CAD: variants seen among roughly 807,000 people sequenced by gnomAD.
The protein encoded by CAD is carbamoyl-phosphate synthetase 2, aspartate transcarbamylase, and dihydroorotase.
In CAD, 81 loss-of-function variants were observed where a neutral mutation model predicts 237.2. The ratio of observed to expected loss-of-function variants is 0.34; its 90% confidence interval spans 0.29 to 0.41. The LOEUF (loss-of-function observed/expected upper bound fraction) is 0.41. CAD is among the 10% of genes least tolerant of loss of function. The pLI is 1.00. For synonymous variants in CAD, 1,196 were observed against 1,162.8 expected, an observed-to-expected ratio of 1.03 and a Z score of -0.58; for missense variants, 2,181 against 2,951.7, an observed-to-expected ratio of 0.74 and a Z score of 6.05.
chr2:27,237,795 C>G lies in CAD; in HGVS notation c.4641C>G (p.Thr1547=). 6.2e-7 allele frequency: 1 copy of G among 1,614,206 alleles called. No homozygotes were observed. Among genetic ancestry groups the G allele is most frequent in the South Asian group, 1.1e-5 (1 of 91,084 alleles). The change falls in exon 29 of 44, where the codon ACC becomes ACG. Residue 1547 remains threonine (T), a synonymous_variant. Transcript: ENST00000264705. This position sits in a 1 kb window ranked among gnomAD's most constrained non-coding sequence, Gnocchi z 4.0. ...CTGAAAATGCAGGAACCTTGGGCAC[C>G]GTGGCCGGGTCTGCAGCCGGGCTGA... is the stretch of plus-strand genomic sequence containing the variant. ...ASSENAGTLG[T]VAGSAAGLKL...
At position 27,232,443 on chromosome 2, in the gene CAD, T is replaced by C. The variant is rs559871863; in HGVS notation, c.2646-5T>C. On this transcript the variant is annotated splice_polypyrimidine_tract_variant and splice_region_variant and intron_variant, in intron 17 of 43. Coordinates refer to ENST00000264705, the MANE Select transcript of CAD (RefSeq NM_004341.5). The surrounding 1 kb of genome is among the most constrained non-coding windows in gnomAD (Gnocchi z 4.1). ...CCTGTGTTTCAGACCCTTTTTCTAT[T>C]TTAGCACAGAGCTGGCTGTTCGCAA... 17 of 1,614,140 alleles carry C rather than the reference T, an allele frequency of 1.1e-5. No homozygotes were observed. The African/African-American group carries it at 2.1e-4, about 20-fold the overall frequency.
At position 27,217,623 on chromosome 2, in the gene CAD, C is replaced by T; in HGVS notation, c.72C>T (p.Ala24=). The change falls in exon 1 of 44, where the codon GCC becomes GCT. Residue 24 remains alanine (A), a synonymous_variant. Transcript: ENST00000264705. ...CCTTTGGGGCCGCCGTGTCGACTGC[C>T]GGGGAAGTGGGTAAGCAAGCCCGGT... ...GQPFGAAVST[A]GEVVFQTGMV... is the part of the protein sequence containing the mutation. The T allele has an allele frequency of 1.2e-6, 2 of 1,606,892 alleles. No individual in the cohort carries two copies. Among genetic ancestry groups the T allele is most frequent in the African/African-American group, 1.3e-5 (1 of 74,724 alleles).
chr2:27,222,636 TG>T lies in CAD; in HGVS notation c.616del (p.Asp206ThrfsTer4). On this transcript the variant is annotated frameshift_variant, in exon 5 of 44. Transcript: ENST00000264705. LOFTEE classifies it high-confidence loss of function. Reference protein sequence around the residue: ...QRGAEVTVVPWDHALDSQEYE... With the variant: ...QRGAEVTVVPXDHALDSQEYE... ...TGGGGCTGAGGTCACTGTGGTACCC[TG>T]GGACCATGCACTAGACAGCCAAGGT... 6.2e-7 allele frequency: 1 copy of T among 1,614,050 alleles called. No homozygotes were observed. The highest frequency in any genetic ancestry group is 8.5e-7 in the Non-Finnish European group (1 of 1,179,944).
Position 27,243,453 on chromosome 2 carries a change from C to T in CAD, c.6613C>T (p.Arg2205Cys), listed in dbSNP as rs1427270472. Residue 2205 changes from arginine to cysteine, a missense_variant, in exon 44 of 44, where the codon CGC (arginine) becomes TGC (cysteine). By Grantham distance (180) the Arg-to-Cys change is radical. Around this residue, in one of 12 missense-constraint regions of CAD, gnomAD observed 170 missense variants for 212.1 expected, o/e 0.80. Transcript: ENST00000264705. ...VDSDPRAAYFRQAENGMYIRM... is the reference protein window; with the variant it reads ...VDSDPRAAYFCQAENGMYIRM... Reference sequence around the variant, plus strand: ...CTCGGATCCCCGCGCAGCCTACTTCCGCCAGGCTGAGAACGGCATGTACAT... The same window carrying T: ...CTCGGATCCCCGCGCAGCCTACTTCTGCCAGGCTGAGAACGGCATGTACAT... 1.2e-6 allele frequency: 2 copies of T among 1,609,856 alleles called. No individual in the cohort carries two copies. The highest frequency in any genetic ancestry group is 8.5e-7 in the Non-Finnish European group (1 of 1,178,736).
intron 8 of CAD, 59 bp downstream of exon 8, chr2:27,224,088 G>T (rs1675315878): frequency 1.6e-6 from 2 of 1,277,238 alleles, no homozygotes; most frequent in Non-Finnish European, 2.3e-6. Flanking sequence ...TCCAGGATGG[G>T]CATAAGGTGG....
Position 27,243,501 on chromosome 2 carries a change from G to A in CAD, c.6661G>A (p.Val2221Met), listed in dbSNP as rs1289508132. Residue 2221 changes from valine (V) to methionine (M), a missense_variant, in exon 44 of 44, where the codon GTG becomes ATG. Around this residue, in one of 12 missense-constraint regions of CAD, gnomAD observed 170 missense variants for 212.1 expected, o/e 0.80. Coordinates refer to ENST00000264705, the MANE Select transcript of CAD (RefSeq NM_004341.5). ...CATCCGCATGGCTCTGTTAGCCACC[G>A]TGCTGGGCCGTTTCTAGGGCCTGGC... ...MYIRMALLAT[V>M]LGRF The A allele has an allele frequency of 1.3e-5, 21 of 1,592,800 alleles. No individual in the cohort carries two copies. The highest frequency in any genetic ancestry group is 1.8e-5 in the Admixed American group (1 of 56,444).
In CAD at chr2:27,242,986, C is replaced by T; in HGVS notation, c.6480+13C>T. 1.3e-6 allele frequency: 2 copies of T among 1,580,478 alleles called. No individual in the cohort carries two copies. Among genetic ancestry groups the T allele is most frequent in the Non-Finnish European group, 1.7e-6 (2 of 1,156,824 alleles). ...GGAGTACGAAGCTGTGAGTGCTGGG[C>T]TTGAGGAAGAAGCCAGGGCTGCTGC... On this transcript the variant is annotated intron_variant, in intron 42 of 43. Transcript: ENST00000264705. This position sits in a 1 kb window ranked among gnomAD's most constrained non-coding sequence, Gnocchi z 6.4.
At chr2:27,228,337 AAGT>A (rs1675542697) in intron 15 of CAD, among the ~76,000 whole-genome samples, 1 of 152,234 alleles carries the variant, frequency 6.6e-6, no homozygotes, top group Admixed American at 6.5e-5. Context: ...GACTTCTATA[AAGT>A]TATTCGTACT....
At chr2:27,222,823 A>G (rs1675243082) in intron 5 of CAD, 43 bp from the exon 6 acceptor site, 1 of 1,604,846 alleles carries the variant, frequency 6.2e-7, no homozygotes. Context: ...GTCTCCTGTA[A>G]TTGAAATACT....
At position 27,236,426 on chromosome 2, in the gene CAD, C is replaced by A; in HGVS notation, c.4217C>A (p.Ser1406Tyr). ...SMRGAGGRRL[S>Y]SFVTKGYRTR... ...CGTGGAGCTGGGGGCCGGCGTCTCT[C>A]TTCCTTTGTCACCAAGGGCTACCGC... is the stretch of plus-strand genomic sequence containing the variant. The change falls in exon 26 of 44, where the codon TCT (serine) becomes TAT (tyrosine). Residue 1406 changes from serine to tyrosine, a missense_variant. This residue lies in a region of CAD where 306 missense variants were observed against 607.9 expected (regional missense o/e 0.50). Coordinates refer to ENST00000264705, the MANE Select transcript of CAD (RefSeq NM_004341.5). This position sits in a 1 kb window ranked among gnomAD's most constrained non-coding sequence, Gnocchi z 4.1. 6.2e-7 allele frequency: 1 copy of A among 1,614,216 alleles called. No individual in the cohort carries two copies.
chr2:27,225,630 C>CT (rs1675412670), intron 11 of CAD, 75 bp from the exon 12 acceptor site: 9 of 1,162,668 alleles, frequency 7.7e-6, no homozygotes, highest in Middle Eastern at 2.8e-4. Context: ...TTCTTTATAT[C>CT]TTTTTTTATG....
chr2:27,225,620 T>G, intron 11 of CAD, 85 bp from the exon 12 acceptor site: 2 of 1,072,160 alleles, frequency 1.9e-6, no homozygotes, highest in Non-Finnish European at 2.8e-6. Context: ...CCATGTTATT[T>G]TCTTTATATC....
Position 27,236,620 on chromosome 2 carries a change from G to C in CAD, c.4314+97G>C. 6.4e-7 allele frequency: 1 copy of C among 1,571,812 alleles called. No homozygotes were observed. The highest frequency in any genetic ancestry group is 8.7e-7 in the Non-Finnish European group (1 of 1,147,230). On this transcript the variant is annotated intron_variant, in intron 26 of 43. Transcript: ENST00000264705. The surrounding 1 kb of genome is among the most constrained non-coding windows in gnomAD (Gnocchi z 4.1). ...ATGGAACAGCCATGCTAGTAATAAAGCTTTGTGGCTACAGAGGGAGAGATG... is the reference window on the plus strand; with the variant it reads ...ATGGAACAGCCATGCTAGTAATAAACCTTTGTGGCTACAGAGGGAGAGATG...
rs1676279656 is a variant in CAD at position 27,240,802 on chromosome 2, TTG to T, written c.5594-106_5594-105del. 2.6e-5 allele frequency: 34 copies of T among 1,304,524 alleles called. No individual in the cohort carries two copies. The East Asian group carries it at 7.9e-4, about 30-fold the overall frequency. 80.8% of individuals were successfully genotyped at this position (1,304,524 alleles called of 1,614,324 possible). ...TCCCCTAACCTGCTATATTACTGTG[TTG>T]TGAATTGGTTTAACATATACACTGT... On this transcript the variant is annotated intron_variant, in intron 35 of 43. Coordinates refer to ENST00000264705, the MANE Select transcript of CAD (RefSeq NM_004341.5). The surrounding 1 kb of genome is among the most constrained non-coding windows in gnomAD (Gnocchi z 4.6).
rs1268714986 is a variant in CAD at position 27,232,535 on chromosome 2, A to G, written c.2733A>G (p.Pro911=). 1.2e-6 allele frequency: 2 copies of G among 1,614,226 alleles called. No homozygotes were observed. Among genetic ancestry groups the G allele is most frequent in the Admixed American group, 1.7e-5 (1 of 60,034 alleles). ...TTGACACAGTTGCAGCTGAGTGGCCAGCCCAGACAAATTACCTATACCTAA... is the reference window on the plus strand; with the variant it reads ...TTGACACAGTTGCAGCTGAGTGGCCGGCCCAGACAAATTACCTATACCTAA... ...KQIDTVAAEW[P]AQTNYLYLTY... Residue 911 remains proline (P), a synonymous_variant, in exon 18 of 44, where the codon CCA becomes CCG. Transcript: ENST00000264705. This position sits in a 1 kb window ranked among gnomAD's most constrained non-coding sequence, Gnocchi z 4.1.
In CAD at chr2:27,233,422, G is replaced by A. The variant is rs1351494179; in HGVS notation, c.3102G>A (p.Val1034=). 19 of 1,614,228 alleles carry A rather than the reference G, an allele frequency of 1.2e-5. No homozygotes were observed. Among genetic ancestry groups the A allele is most frequent in the Non-Finnish European group, 1.5e-5 (18 of 1,180,038 alleles). The part of the protein sequence containing the change: ...AMALHRQQCR[V]LGTSPEAIDS... ...CGTTGCATCGGCAGCAGTGCCGGGT[G>A]CTGGGCACCTCCCCTGAAGCCATTG... Residue 1034 remains valine (V), a synonymous_variant, in exon 20 of 44, where the codon GTG becomes GTA. Transcript: ENST00000264705. The surrounding 1 kb of genome is among the most constrained non-coding windows in gnomAD (Gnocchi z 6.3).
Position 27,222,530 on chromosome 2 carries a change from A to G in CAD, c.507A>G (p.Val169=). Residue 169 remains valine (V), a synonymous_variant, in exon 5 of 44, where the codon GTA becomes GTG. Coordinates refer to ENST00000264705, the MANE Select transcript of CAD (RefSeq NM_004341.5). ...VPEVSIKTPR[V]FNTGGAPRIL... ...CGTCTATTTCTCAGACTCCACGGGTATTCAATACAGGGGGTGCCCCTCGGA... is the reference window on the plus strand; with the variant it reads ...CGTCTATTTCTCAGACTCCACGGGTGTTCAATACAGGGGGTGCCCCTCGGA... The G allele has an allele frequency of 1.2e-6, 2 of 1,614,036 alleles. No individual in the cohort carries two copies. Among genetic ancestry groups the G allele is most frequent in the Non-Finnish European group, 1.7e-6 (2 of 1,179,932 alleles).
Position 27,241,230 on chromosome 2 carries a change from G to T in CAD, c.5808+3G>T, listed in dbSNP as rs1357268549. ...TCCAGCAGTTCACCAAGGATCAGGTGCCTGGGGCAGGGAGGATGGGACCAC... is the reference window on the plus strand; with the variant it reads ...TCCAGCAGTTCACCAAGGATCAGGTTCCTGGGGCAGGGAGGATGGGACCAC... On this transcript the variant is annotated splice_donor_region_variant and intron_variant, in intron 37 of 43. Coordinates refer to ENST00000264705, the MANE Select transcript of CAD (RefSeq NM_004341.5). This position sits in a 1 kb window ranked among gnomAD's most constrained non-coding sequence, Gnocchi z 4.6. 2 of 1,612,256 alleles carry T rather than the reference G, an allele frequency of 1.2e-6. No individual in the cohort carries two copies. The highest frequency in any genetic ancestry group is 2.7e-5 in the African/African-American group (2 of 75,004).
In CAD at chr2:27,226,560, C is replaced by A. The variant is rs767258179; in HGVS notation, c.2067C>A (p.Arg689=). 3 of 1,614,156 alleles carry A rather than the reference C, an allele frequency of 1.9e-6. No individual in the cohort carries two copies. The highest frequency in any genetic ancestry group is 1.7e-6 in the Non-Finnish European group (2 of 1,179,992). The change falls in exon 14 of 44, where the codon CGC becomes CGA. Residue 689 remains arginine (R), a synonymous_variant. Transcript: ENST00000264705. ...YIIEVNARLS[R]SSALASKATG... is the part of the protein sequence containing the mutation. ...TTGAAGTGAATGCCAGGCTCTCTCG[C>A]AGCTCTGCCCTGGCCAGTAAGGCCA...
Sources: gnomAD v4.1 joint callset for allele counts (sites outside exome capture counted in the v4.1 genomes callset) on GRCh38, gnomAD v4.1.1 for gene constraint, gnomAD v4.1.1 regional missense constraint, Gnocchi (gnomAD v3.1) non-coding constraint, MANE v1.5 for transcripts, NCBI Gene and HGNC (gene_info 2026-07-23, HGNC 2026-07-21) for gene names.